RBFOX1: variants seen among roughly 807,000 people sequenced by gnomAD.
RBFOX1 encodes the protein RNA binding fox-1 homolog 1.
Under a neutral mutation model 57.7 loss-of-function variants are expected in RBFOX1, and 8 were observed. The observed-to-expected ratio is 0.14, with a 90% CI of 0.08 to 0.25. The LOEUF is 0.25. RBFOX1 is among the 10% of genes least tolerant of loss of function. The pLI is 1.00. For missense variants in RBFOX1, 611 were observed against 548.5 expected, an observed-to-expected ratio of 1.11 and a Z score of -1.14; for synonymous variants, 326 against 222.4, an observed-to-expected ratio of 1.47 and a Z score of -4.15.
At chr16:7,157,142 C>T (rs1372661987) in intron 4 of RBFOX1, among the ~76,000 whole-genome samples, 2 of 152,142 alleles carry the variant, frequency 1.3e-5, no homozygotes, top group African/African-American at 2.4e-5. Context: ...CTCATTGGCA[C>T]AGGATAAGGG....
chr16:5,551,223 C>G (rs907288415), intron 2 of RBFOX1, among the ~76,000 whole-genome samples: 1 of 152,188 alleles, frequency 6.6e-6, no homozygotes, highest in Non-Finnish European at 1.5e-5. Flanking sequence ...CAAGCACTTT[C>G]CTTCCCCATC....
chr16:7,413,295 T>A (rs1474135366), intron 4 of RBFOX1, among the ~76,000 whole-genome samples: 3 of 152,056 alleles, frequency 2.0e-5, no homozygotes, highest in Non-Finnish European at 4.4e-5. Context: ...TCCTCTCCCC[T>A]GGCCACCCTC....
At chr16:6,605,594 T>G (rs1433045382) in intron 2 of RBFOX1, among the ~76,000 whole-genome samples, 1 of 152,230 alleles carries the variant, frequency 6.6e-6, no homozygotes, top group African/African-American at 2.4e-5. Flanking sequence ...CTTGTGCTGC[T>G]ACTTTACATG....
At chr16:6,646,355 A>G (rs1196772668) in intron 2 of RBFOX1, among the ~76,000 whole-genome samples, 1 of 152,220 alleles carries the variant, frequency 6.6e-6, no homozygotes, top group African/African-American at 2.4e-5. Flanking sequence ...TAACAATATC[A>G]TCTAAATAAA....
At chr16:7,198,207 G>A (rs538139235) in intron 4 of RBFOX1, among the ~76,000 whole-genome samples, 18 of 151,944 alleles carry the variant, frequency 1.2e-4, no homozygotes, top group East Asian at 3.9e-4. Context: ...GGGTTTCACC[G>A]TGTTAGCCAG....
chr16:6,019,660 C>G lies in RBFOX1; in HGVS notation c.-459C>G, dbSNP rs2095029282. ...GGGGACAGCCAGCCGTGGGCCCCGC[C>G]CCGGCGTCCGGAGCAGGAGAACTCC... On this transcript the variant is annotated 5_prime_UTR_variant, in exon 1 of 16. Coordinates refer to ENST00000550418, the MANE Select transcript of RBFOX1 (RefSeq NM_018723.4). This position sits in a 1 kb window ranked among gnomAD's most constrained non-coding sequence, Gnocchi z 4.2. 47 of 1,302,708 alleles carry G rather than the reference C, an allele frequency of 3.6e-5. No homozygotes were observed. Among genetic ancestry groups the G allele is most frequent in the Non-Finnish European group, 4.6e-5 (47 of 1,025,570 alleles). The allele number at this position is 1,302,708 out of a possible 1,614,324, so 80.7% of individuals were successfully genotyped here.
chr16:6,243,056 G>C (rs535504039), intron 1 of RBFOX1, among the ~76,000 whole-genome samples: 2 of 152,120 alleles, frequency 1.3e-5, no homozygotes, highest in Non-Finnish European at 2.9e-5. Flanking sequence ...TTAACAGAGA[G>C]TGAAGGTAAA....
intron 3 of RBFOX1, among the ~76,000 whole-genome samples, chr16:6,859,119 A>G (rs866253019): frequency 6.1e-5 from 5 of 82,212 alleles, no homozygotes. Context: ...GTGTATATAT[A>G]TATATATATA....
chr16:5,336,299 G>T (rs1380874587), intron 1 of RBFOX1, among the ~76,000 whole-genome samples: 1 of 152,110 alleles, frequency 6.6e-6, no homozygotes, highest in African/African-American at 2.4e-5. Context: ...TTTGCTTGTA[G>T]TGGTCAAGGG....
At chr16:7,406,745 A>C (rs2098347111) in intron 4 of RBFOX1, among the ~76,000 whole-genome samples, 1 of 151,810 alleles carries the variant, frequency 6.6e-6, no homozygotes, top group African/African-American at 2.4e-5. Context: ...TCACAGAGTG[A>C]CTCTCTTAGC....
At chr16:7,218,628 CTGTGTGTGTGTGTGTGTGTGTGTGTGTG>C (rs60333818) in intron 4 of RBFOX1, among the ~76,000 whole-genome samples, 2 of 127,490 alleles carry the variant, frequency 1.6e-5, no homozygotes, top group African/African-American at 3.6e-5. Context: ...TGGGGGTTTG[CTGTGTGTGTGTGTGTGTGTGTGTGTGTG>C]TGTGTGTGTG....
chr16:6,615,174 C>T lies in RBFOX1; in HGVS notation c.-63-39429C>T, dbSNP rs114571207. On this transcript the variant is annotated intron_variant, in intron 2 of 15. Coordinates refer to ENST00000550418, the MANE Select transcript of RBFOX1 (RefSeq NM_018723.4). Reference sequence around the variant, plus strand: ...TATTTTGTGGGTGGCCTATTTTTCCCTCTAGAAATGGCATTTTTTACTCTA... The same window carrying T: ...TATTTTGTGGGTGGCCTATTTTTCCTTCTAGAAATGGCATTTTTTACTCTA... 8.0e-3 allele frequency among the ~76,000 whole-genome samples: 1,221 copies of T among 152,268 alleles called. 15 individuals are homozygous for T. Among genetic ancestry groups the T allele is most frequent in the African/African-American group, 0.028 (1,164 of 41,556 alleles).
chr16:5,480,022 C>G (rs2069470389), intron 2 of RBFOX1, among the ~76,000 whole-genome samples: 1 of 152,114 alleles, frequency 6.6e-6, no homozygotes, highest in African/African-American at 2.4e-5. Context: ...GCCTGGCTTT[C>G]TCCTGTTCAG....
intron 3 of RBFOX1, among the ~76,000 whole-genome samples, chr16:5,664,244 T>C (rs1052389152): frequency 6.6e-6 from 1 of 152,194 alleles, no homozygotes; most frequent in African/African-American, 2.4e-5. Context: ...GAGTCAGTTG[T>C]GAACTCTTTA....
intron 3 of RBFOX1, among the ~76,000 whole-genome samples, chr16:5,852,067 A>G (rs941449318): frequency 2.6e-5 from 4 of 152,198 alleles, no homozygotes; most frequent in South Asian, 2.1e-4. Flanking sequence ...AATTGGCATT[A>G]TATGTTAAAA....
At chr16:7,433,900 G>A (rs1391343462) in intron 4 of RBFOX1, among the ~76,000 whole-genome samples, 1 of 152,204 alleles carries the variant, frequency 6.6e-6, no homozygotes, top group Non-Finnish European at 1.5e-5. Flanking sequence ...ATCTCCAAAG[G>A]AGTTCAGAGA....
intron 1 of RBFOX1, among the ~76,000 whole-genome samples, chr16:6,217,942 G>T (rs1449018983): frequency 6.6e-6 from 1 of 152,210 alleles, no homozygotes; most frequent in East Asian, 1.9e-4. Context: ...CTTAAACCGG[G>T]GAGGTGGAGG....
At chr16:5,820,682 C>T (rs1056454247) in intron 3 of RBFOX1, among the ~76,000 whole-genome samples, 3 of 152,152 alleles carry the variant, frequency 2.0e-5, no homozygotes, top group East Asian at 1.9e-4. Flanking sequence ...TGCGTCACAG[C>T]GTTACCCTGA....
At chr16:7,603,247 A>C (rs79708452) in intron 9 of RBFOX1, among the ~76,000 whole-genome samples, 5,249 of 152,290 alleles carry the variant, frequency 0.034, 290 homozygotes, top group African/African-American at 0.12. Context: ...AGCCAAAAAA[A>C]AATTTGTCTA....
Sources: gnomAD v4.1 joint callset for allele counts (sites outside exome capture counted in the v4.1 genomes callset) on GRCh38, gnomAD v4.1.1 for gene constraint, Gnocchi (gnomAD v3.1) non-coding constraint, MANE v1.5 for transcripts, NCBI Gene and HGNC (gene_info 2026-07-23, HGNC 2026-07-21) for gene names.